Variants in RHOQ observed in about 807,000 individuals in gnomAD.
RHOQ encodes the protein ras homolog family member Q, also known as rho-related GTP-binding protein RhoQ.
Under a neutral mutation model 25.8 loss-of-function variants are expected in RHOQ, and 7 were observed. That is an observed-to-expected ratio of 0.27 (90% CI 0.15 to 0.51). The LOEUF is 0.51. Among genes scored for constraint, RHOQ ranks in the 20% least tolerant of loss-of-function variants. RHOQ has a pLI of 0.97. For missense variants in RHOQ, 165 were observed against 260.6 expected (o/e 0.63, Z 2.53); for synonymous variants, 97 against 98.6 (o/e 0.98, Z 0.10).
At chr2:46,560,686 A>G (rs1012045938) in intron 2 of RHOQ, 1 of 451,214 alleles carries the variant, frequency 2.2e-6, no homozygotes, top group Non-Finnish European at 4.5e-6. Flanking sequence ...ACTGTTGGAC[A>G]GAGGTAGATA....
intron 4 of RHOQ, among the ~76,000 whole-genome samples, chr2:46,579,413 C>T (rs1669262158): frequency 6.6e-6 from 1 of 152,222 alleles, no homozygotes; most frequent in Non-Finnish European, 1.5e-5. Flanking sequence ...CATCTCCAGC[C>T]TGGACCTCTT....
chr2:46,559,606 T>C (rs1266452482), intron 2 of RHOQ, among the ~76,000 whole-genome samples: 2 of 152,124 alleles, frequency 1.3e-5, no homozygotes, highest in Non-Finnish European at 2.9e-5. Flanking sequence ...CCCCAGCCTT[T>C]TCCCCCTAGA....
chr2:46,575,889 T>A (rs1669105052), intron 2 of RHOQ, among the ~76,000 whole-genome samples, 198 bp from the exon 3 acceptor site: 1 of 152,214 alleles, frequency 6.6e-6, no homozygotes, highest in Admixed American at 6.5e-5. Flanking sequence ...TATTGTCATT[T>A]TTTTTTACCT....
chr2:46,546,376 T>C (rs7587367), intron 2 of RHOQ, among the ~76,000 whole-genome samples: 40,181 of 145,604 alleles, frequency 0.28, 6,040 homozygotes, highest in South Asian at 0.39. Flanking sequence ...CAATGATAAA[T>C]AAACATGTAA....
chr2:46,542,611 G>A lies in RHOQ; in HGVS notation c.-436G>A, dbSNP rs1247068598. On this transcript the variant is annotated 5_prime_UTR_variant, in exon 1 of 5. Transcript: ENST00000238738. The stretch of plus-strand genomic sequence containing the variant: ...CGGGCCGCGCTCGGGGAGGCGCCTG[G>A]GCCCGCCCTCCTCCGGGGCGCCGCG... 1 of 146,670 alleles carries A rather than the reference G, an allele frequency of 6.8e-6. No individual in the cohort carries two copies. Among genetic ancestry groups the A allele is most frequent in the African/African-American group, 2.4e-5 (1 of 40,904 alleles). 9.1% of individuals were successfully genotyped at this position (146,670 alleles called of 1,614,324 possible).
At chr2:46,574,173 C>T (rs1254371439) in intron 2 of RHOQ, among the ~76,000 whole-genome samples, 1 of 152,122 alleles carries the variant, frequency 6.6e-6, no homozygotes, top group African/African-American at 2.4e-5. Flanking sequence ...CCTCATAATC[C>T]TAAGGGATAG....
chr2:46,570,346 A>G (rs2104017884), intron 2 of RHOQ, among the ~76,000 whole-genome samples: 1 of 152,266 alleles, frequency 6.6e-6, no homozygotes, highest in African/African-American at 2.4e-5. Context: ...AGGCAGAGGC[A>G]TGAGAATTGC....
intron 4 of RHOQ, chr2:46,580,431 C>CT (rs1170886028): frequency 1.3e-5 from 2 of 152,418 alleles, no homozygotes; most frequent in African/African-American, 4.8e-5. Flanking sequence ...CAGGATCTAT[C>CT]TGCCTGGAGC....
At chr2:46,564,845 C>A (rs763587364) in intron 2 of RHOQ, among the ~76,000 whole-genome samples, 3 of 152,204 alleles carry the variant, frequency 2.0e-5, no homozygotes, top group African/African-American at 7.2e-5. Context: ...GTCTGTACAC[C>A]TCCCTCTCCA....
intron 4 of RHOQ, among the ~76,000 whole-genome samples, chr2:46,579,131 G>A (rs1046214292): frequency 3.3e-5 from 5 of 152,182 alleles, no homozygotes; most frequent in Non-Finnish European, 4.4e-5. Context: ...AAAAGTAGTT[G>A]CAAAACAGTA....
Position 46,542,705 on chromosome 2 carries a change from G to C in RHOQ, c.-342G>C, listed in dbSNP as rs1443127040. On this transcript the variant is annotated 5_prime_UTR_variant, in exon 1 of 5. Coordinates refer to ENST00000238738, the MANE Select transcript of RHOQ (RefSeq NM_012249.4). The stretch of plus-strand genomic sequence containing the variant: ...CCTCCCCTCCGCCGCCCTCCCCAAA[G>C]TTGCCGTCTCCCCCGGGGCCGGCCG... 1 of 146,810 alleles carries C rather than the reference G, an allele frequency of 6.8e-6. No homozygotes were observed. Among genetic ancestry groups the C allele is most frequent in the African/African-American group, 2.4e-5 (1 of 40,946 alleles). 9.1% of individuals were successfully genotyped at this position (146,810 alleles called of 1,614,324 possible). A position where few individuals can be genotyped will look rare whatever the true frequency, so the allele number is the denominator to read the frequency against.
intron 2 of RHOQ, among the ~76,000 whole-genome samples, chr2:46,544,364 C>T (rs1326063101): frequency 6.6e-6 from 1 of 151,918 alleles, no homozygotes; most frequent in Non-Finnish European, 1.5e-5. Context: ...AGAAAAGAAA[C>T]AACAACCATG....
At chr2:46,550,434 G>C (rs1473154090) in intron 2 of RHOQ, among the ~76,000 whole-genome samples, 1 of 152,214 alleles carries the variant, frequency 6.6e-6, no homozygotes, top group African/African-American at 2.4e-5. Context: ...CAGGCCATCA[G>C]TTTTGTCTTT....
intron 2 of RHOQ, among the ~76,000 whole-genome samples, chr2:46,544,235 A>G (rs955290881): frequency 6.6e-6 from 1 of 152,220 alleles, no homozygotes; most frequent in Non-Finnish European, 1.5e-5. Context: ...AAATGGCATC[A>G]TCTAATATGA....
At chr2:46,554,809 T>A (rs6749372) in intron 2 of RHOQ, among the ~76,000 whole-genome samples, 1 of 149,960 alleles carries the variant, frequency 6.7e-6, no homozygotes, top group African/African-American at 2.5e-5. Flanking sequence ...TTTTTTCAAA[T>A]TTGTTCCAAT....
intron 2 of RHOQ, among the ~76,000 whole-genome samples, chr2:46,565,048 C>T (rs1296088692): frequency 6.6e-6 from 1 of 151,964 alleles, no homozygotes; most frequent in African/African-American, 2.4e-5. Flanking sequence ...GGAGCAGCTG[C>T]AGGAGAAGGT....
At position 46,582,847 on chromosome 2, in the gene RHOQ, G is replaced by C. The variant is rs1355781427; in HGVS notation, c.*1764G>C. The C allele has an allele frequency of 6.6e-6, 1 of 152,500 alleles. No homozygotes were observed. The highest frequency in any genetic ancestry group is 2.4e-5 in the African/African-American group (1 of 41,436). 9.4% of individuals were successfully genotyped at this position (152,500 alleles called of 1,614,324 possible). On this transcript the variant is annotated 3_prime_UTR_variant, in exon 5 of 5. Coordinates refer to ENST00000238738, the MANE Select transcript of RHOQ (RefSeq NM_012249.4). ...AGCATCACCTTCCCATTGAAGAGTG[G>C]AGAGAGTCTACTGGATGACTGGCCA...
intron 2 of RHOQ, among the ~76,000 whole-genome samples, chr2:46,571,071 C>G (rs909393115): frequency 6.6e-6 from 1 of 152,188 alleles, no homozygotes; most frequent in Non-Finnish European, 1.5e-5. Context: ...AGTCGCATTC[C>G]TAGCATGTTG....
intron 2 of RHOQ, among the ~76,000 whole-genome samples, chr2:46,546,237 G>A (rs968355665): frequency 6.6e-6 from 1 of 151,602 alleles, no homozygotes; most frequent in Non-Finnish European, 1.5e-5. Context: ...CACAGCTGAT[G>A]TCAGCAAAGG....
Sources: allele counts gnomAD v4.1 joint callset (sites outside exome capture counted in the v4.1 genomes callset), GRCh38; gene constraint gnomAD v4.1.1; transcripts MANE v1.5; gene names NCBI Gene and HGNC (gene_info 2026-07-23, HGNC 2026-07-21).